The following GP2 variants were observed in gnomAD, a reference collection of about 807,000 sequenced individuals.
The protein encoded by GP2 is pancreatic secretory granule membrane major glycoprotein GP2.
Under a neutral mutation model 60.8 loss-of-function variants are expected in GP2, and 58 were observed. The ratio of observed to expected loss-of-function variants is 0.95; its 90% CI spans 0.77 to 1.19. GP2 has a LOEUF of 1.19. Among genes scored for constraint, GP2 ranks in the 50% most tolerant of loss-of-function variants. The probability of loss-of-function intolerance (pLI) is 0.00; values close to 1 mark genes in which losing one functional copy is unlikely to be tolerated. For synonymous variants in GP2, 280 were observed against 253.4 expected (o/e 1.10, Z -1.00); for missense variants, 647 against 667.4 (o/e 0.97, Z 0.34).
At chr16:20,325,514 T>C (rs1021730396) in intron 2 of GP2, among the ~76,000 whole-genome samples, 2 of 152,098 alleles carry the variant, frequency 1.3e-5, no homozygotes, top group East Asian at 1.9e-4. Flanking sequence ...TACACCTCAT[T>C]TGGGGAAAGA....
rs1454077523 is a variant in GP2 at position 20,326,433 on chromosome 16, C to T, written c.-2G>A. The T allele has an allele frequency of 6.2e-7, 1 of 1,612,960 alleles. No individual in the cohort carries two copies. The highest frequency in any genetic ancestry group is 8.5e-7 in the Non-Finnish European group (1 of 1,179,056). ...CATCCTTTCCATAAGGTGAGGCATG[C>T]AGGTCACTTTGCTGTATGCAGACTT... On this transcript the variant is annotated 5_prime_UTR_variant, in exon 2 of 11. Transcript: ENST00000302555.
At position 20,313,237 on chromosome 16, in the gene GP2, TTCTC is replaced by T. The variant is rs371049876; in HGVS notation, c.1546+1416_1546+1419del. The stretch of plus-strand genomic sequence containing the variant: ...AAATATGTAAAAAAATGTAAAAATG[TTCTC>T]TCTCTCTCTCTGTCTCTCTGTCTCT... On this transcript the variant is annotated intron_variant, in intron 10 of 10. Coordinates refer to ENST00000302555, the MANE Select transcript of GP2 (RefSeq NM_001502.4). Among the ~76,000 whole-genome samples the T allele has an allele frequency of 5.0e-3, 705 of 140,412 alleles. 5 individuals carry two copies. The highest frequency in any genetic ancestry group is 0.016 in the African/African-American group (630 of 39,180). The allele number at this position is 140,412 out of a possible 152,430, so 92.1% of individuals were successfully genotyped here. A position where few individuals can be genotyped will look rare whatever the true frequency, so the allele number is the denominator to read the frequency against.
intron 10 of GP2, among the ~76,000 whole-genome samples, chr16:20,312,217 T>C (rs1270972662): frequency 6.6e-6 from 1 of 152,206 alleles, no homozygotes; most frequent in Non-Finnish European, 1.5e-5. Context: ...CAGATGATAA[T>C]GGTCTTGTAT....
intron 3 of GP2, chr16:20,323,351 C>T (rs1396137373): frequency 1.4e-6 from 1 of 718,368 alleles, no homozygotes; most frequent in South Asian, 1.5e-5. Flanking sequence ...CTCTCTGTGC[C>T]CCTAACTGGG....
At position 20,318,367 on chromosome 16, in the gene GP2, G is replaced by A. The variant is rs868811709; in HGVS notation, c.1071C>T (p.Asp357=). The change falls in exon 7 of 11, where the codon GAC becomes GAT. Residue 357 remains aspartate, a synonymous_variant. Coordinates refer to ENST00000302555, the MANE Select transcript of GP2 (RefSeq NM_001502.4). ...EFIVRMALFQ[D]QNYTNPYEGD... ...CTTCGTAAGGATTCGTGTAGTTCTG[G>A]TCTTGGAAGAGGGCCATCCTGACAA... is the stretch of plus-strand genomic sequence containing the variant. 1 of 1,612,364 alleles carries A rather than the reference G, an allele frequency of 6.2e-7. No homozygotes were observed. Among genetic ancestry groups the A allele is most frequent in the Admixed American group, 1.7e-5 (1 of 60,022 alleles).
Position 20,320,489 on chromosome 16 carries a change from G to A in GP2, c.647-16C>T. 1.3e-6 allele frequency: 2 copies of A among 1,569,202 alleles called. No individual in the cohort carries two copies. The highest frequency in any genetic ancestry group is 1.8e-6 in the Non-Finnish European group (2 of 1,140,250). ...CTGTGGACATCTGCAAAGCAGAGAT[G>A]AAGGCAAGTAGAATGGACATGAGTC... On this transcript the variant is annotated splice_polypyrimidine_tract_variant and intron_variant, in intron 4 of 10. Transcript: ENST00000302555.
In GP2 at chr16:20,310,166, T is replaced by A. The variant is rs1427390284; in HGVS notation, c.*1057A>T. The A allele has an allele frequency of 6.6e-6, 1 of 152,270 alleles. No individual in the cohort carries two copies. The highest frequency in any genetic ancestry group is 1.9e-4 in the East Asian group (1 of 5,194). 9.4% of individuals were successfully genotyped at this position (152,270 alleles called of 1,614,324 possible). Reference sequence around the variant, plus strand: ...TTCACCCATCTCCTAGGCTTTGCAGTTTCATTCCCATAGCAGGACTGGTGC... The same window carrying A: ...TTCACCCATCTCCTAGGCTTTGCAGATTCATTCCCATAGCAGGACTGGTGC... On this transcript the variant is annotated 3_prime_UTR_variant, in exon 11 of 11. Transcript: ENST00000302555.
rs1218003537 is a variant in GP2, at chr16:20,320,367, G to A, written c.753C>T (p.Ala251=). 6.2e-7 allele frequency: 1 copy of A among 1,613,628 alleles called. No individual in the cohort carries two copies. The part of the protein sequence containing the change: ...GGLGLGEEVI[A]YLRDPNCSSI... The stretch of plus-strand genomic sequence containing the variant: ...TGCTGCAGTTTGGGTCTCGCAGGTA[G>A]GCAATGACCTCCTCCCCCAAACCCA... The change falls in exon 5 of 11, where the codon GCC becomes GCT. Residue 251 remains alanine (A), a synonymous_variant. Coordinates refer to ENST00000302555, the MANE Select transcript of GP2 (RefSeq NM_001502.4).
Position 20,324,053 on chromosome 16 carries a change from C to T in GP2, c.298G>A (p.Gly100Arg). The T allele has an allele frequency of 6.2e-7, 1 of 1,613,986 alleles. No homozygotes were observed. The highest frequency in any genetic ancestry group is 8.5e-7 in the Non-Finnish European group (1 of 1,179,794). Residue 100 changes from glycine (G) to arginine (R), a missense_variant, in exon 3 of 11, where the codon GGA becomes AGA. Coordinates refer to ENST00000302555, the MANE Select transcript of GP2 (RefSeq NM_001502.4). ...ACACAGGTCTCCGACATCCTTACTC[C>T]TCCTTCCCCTACAAAGCGGTACCAG... ...SGWYRFVGEG[G>R]VRMSETCVQV...
At chr16:20,316,655 T>C (rs1964182766) in intron 8 of GP2, among the ~76,000 whole-genome samples, 1 of 152,168 alleles carries the variant, frequency 6.6e-6, no homozygotes, top group Non-Finnish European at 1.5e-5. Context: ...ATTTAAAAGA[T>C]GCCAATGGAA....
chr16:20,311,855 T>A (rs573039411), intron 10 of GP2, among the ~76,000 whole-genome samples: 1 of 152,216 alleles, frequency 6.6e-6, no homozygotes. Flanking sequence ...TGACTAATAC[T>A]GAAGGGGCAG....
chr16:20,318,863 A>G (rs1964262253), intron 6 of GP2, among the ~76,000 whole-genome samples: 2 of 152,162 alleles, frequency 1.3e-5, no homozygotes, highest in Non-Finnish European at 1.5e-5. Context: ...GCACCAAACC[A>G]TCTGGAAACC....
rs754407847 is a variant in GP2 at position 20,314,649 on chromosome 16, T to C, written c.1546+8A>G. The C allele has an allele frequency of 5.1e-6, 8 of 1,576,706 alleles. No individual in the cohort carries two copies. Among genetic ancestry groups the C allele is most frequent in the Non-Finnish European group, 6.1e-6 (7 of 1,145,886 alleles). On this transcript the variant is annotated splice_region_variant and intron_variant, in intron 10 of 10. Transcript: ENST00000302555. ...AAGCTGTGGGAAAGGCATGAGAAAA[T>C]GATGTACCTGCAGTGCTAGGGGTTC...
At chr16:20,320,150 C>A (rs963084273) in intron 5 of GP2, 112 bp downstream of exon 5, 2 of 778,704 alleles carry the variant, frequency 2.6e-6, no homozygotes, top group Admixed American at 3.9e-5. Flanking sequence ...TCTCACACAA[C>A]CCTGGGGGCT....
At chr16:20,326,239 C>T in intron 2 of GP2, 99 bp downstream of exon 2, 1 of 1,041,408 alleles carries the variant, frequency 9.6e-7, no homozygotes, top group Admixed American at 2.0e-5. Flanking sequence ...TTAGAACTGC[C>T]AATTCCTCTT....
In GP2 at chr16:20,322,970, G is replaced by T. The variant is rs751840927; in HGVS notation, c.545C>A (p.Thr182Asn). ...GGCCTTCTCACACTTGTCCTCCACA[G>T]TGGATGGGTCTAGGTGATGGGGCAT... Reference protein sequence around the residue: ...CNLRYCTDPSTVEDKCEKACR... With the variant: ...CNLRYCTDPSNVEDKCEKACR... Residue 182 changes from threonine to asparagine, a missense_variant, in exon 4 of 11, where the codon ACT becomes AAT. Transcript: ENST00000302555. 1 of 1,598,712 alleles carries T rather than the reference G, an allele frequency of 6.3e-7. No homozygotes were observed. The highest frequency in any genetic ancestry group is 8.6e-7 in the Non-Finnish European group (1 of 1,166,110).
rs370345382 is a variant in GP2, at chr16:20,317,418, C to A, written c.1254-43G>T. 5.1e-5 allele frequency: 77 copies of A among 1,515,124 alleles called. No individual in the cohort carries two copies. In the African/African-American group the frequency reaches 9.7e-4, roughly 19 times the overall value. The allele number at this position is 1,515,124 out of a possible 1,614,324, so 93.9% of individuals were successfully genotyped here. ...GCAAAGGTGTAACTTCTAAAAACAGCAGTGGAGAAAATTAAAGAGTCCCTC... is the reference window on the plus strand; with the variant it reads ...GCAAAGGTGTAACTTCTAAAAACAGAAGTGGAGAAAATTAAAGAGTCCCTC... On this transcript the variant is annotated intron_variant, in intron 7 of 10. Transcript: ENST00000302555.
chr16:20,313,799 C>T (rs1964068064), intron 10 of GP2, among the ~76,000 whole-genome samples: 1 of 152,308 alleles, frequency 6.6e-6, no homozygotes, highest in South Asian at 2.1e-4. Context: ...TTTTAACACT[C>T]ATTGGCTTCT....
chr16:20,311,409 T>A, intron 10 of GP2, 128 bp from the exon 11 acceptor site: 1 of 665,954 alleles, frequency 1.5e-6, no homozygotes, highest in Non-Finnish European at 2.8e-6. Flanking sequence ...CTGGCCTAGT[T>A]ATAGTCTCTG....
Sources: gnomAD v4.1 joint callset for allele counts (sites outside exome capture counted in the v4.1 genomes callset) on GRCh38, gnomAD v4.1.1 for gene constraint, MANE v1.5 for transcripts, NCBI Gene and HGNC (gene_info 2026-07-23, HGNC 2026-07-21) for gene names.